Variants in MCF2L2 observed in about 807,000 individuals in gnomAD.
The protein encoded by MCF2L2 is MCF.2 cell line derived transforming sequence-like 2, also known as probable guanine nucleotide exchange factor MCF2L2.
MCF2L2 carries 102 observed loss-of-function variants against 150.2 expected under a neutral mutation model. The ratio of observed to expected loss-of-function variants is 0.68; its 90% CI spans 0.58 to 0.80. The LOEUF is 0.80. MCF2L2 is among the 30% of genes least tolerant of loss of function. The probability of loss-of-function intolerance (pLI) is 0.00; values close to 1 mark genes in which losing one functional copy is unlikely to be tolerated. For missense variants in MCF2L2, 1,256 were observed against 1,372.8 expected (o/e 0.91, Z 1.34); for synonymous variants, 465 against 491.3 (o/e 0.95, Z 0.71).
chr3:183,376,418 T>C (rs766286696), intron 3 of MCF2L2: 4 of 152,206 alleles, frequency 2.6e-5, no homozygotes, highest in Non-Finnish European at 5.9e-5. Flanking sequence ...ATTGTCTACA[T>C]CCCTATTCAC....
chr3:183,278,285 G>T (rs1379966547), intron 14 of MCF2L2, among the ~76,000 whole-genome samples: 1 of 128,022 alleles, frequency 7.8e-6, no homozygotes, highest in African/African-American at 3.4e-5. Context: ...TGAAAAAATT[G>T]TGTGTGTGTG....
intron 11 of MCF2L2, chr3:183,298,498 A>G (rs1728653891): frequency 6.6e-6 from 1 of 152,208 alleles, no homozygotes; most frequent in Non-Finnish European, 1.5e-5. Flanking sequence ...AAAAAATCAT[A>G]AAGATATTTC....
intron 2 of MCF2L2, among the ~76,000 whole-genome samples, chr3:183,385,774 A>G (rs1267332336): frequency 6.6e-6 from 1 of 152,216 alleles, no homozygotes; most frequent in Non-Finnish European, 1.5e-5. Context: ...AGAAAGCTAA[A>G]TGCTTGCCTT....
intron 1 of MCF2L2, among the ~76,000 whole-genome samples, chr3:183,421,740 C>A (rs931367771): frequency 6.6e-6 from 1 of 152,236 alleles, no homozygotes; most frequent in South Asian, 2.1e-4. Flanking sequence ...CAAAACTGGA[C>A]ATTTTAGGTA....
chr3:183,253,161 G>A (rs1420279461), intron 15 of MCF2L2: 2 of 138,552 alleles, frequency 1.4e-5, no homozygotes, highest in Non-Finnish European at 3.1e-5. Context: ...GGCGGCTGGC[G>A]GGCGGGGCCG....
chr3:183,294,496 C>G (rs56212032), intron 13 of MCF2L2, among the ~76,000 whole-genome samples: 2 of 147,280 alleles, frequency 1.4e-5, no homozygotes, highest in African/African-American at 5.0e-5. Flanking sequence ...GGATTACAGG[C>G]GCCCGCCACC....
intron 3 of MCF2L2, among the ~76,000 whole-genome samples, chr3:183,353,133 G>C (rs1031008532): frequency 1.3e-5 from 2 of 152,058 alleles, no homozygotes; most frequent in Non-Finnish European, 2.9e-5. Context: ...AAATTTTTCT[G>C]TAGTTTCCAT....
intron 12 of MCF2L2, 63 bp downstream of exon 12, chr3:183,296,913 T>C: frequency 6.6e-7 from 1 of 1,523,564 alleles, no homozygotes; most frequent in Non-Finnish European, 8.9e-7. Flanking sequence ...AGGAAGAAGG[T>C]ACAGTCCCTC....
intron 3 of MCF2L2, among the ~76,000 whole-genome samples, chr3:183,349,870 T>TA (rs1731045008): frequency 9.6e-6 from 1 of 104,540 alleles, no homozygotes; most frequent in Non-Finnish European, 2.0e-5. Context: ...TTGCTGCTCC[T>TA]TTTTTTTTTC....
chr3:183,213,072 GAAAT>G (rs1010523493), intron 22 of MCF2L2, among the ~76,000 whole-genome samples: 4 of 151,980 alleles, frequency 2.6e-5, no homozygotes, highest in Admixed American at 1.3e-4. Flanking sequence ...AACTGAAATA[GAAAT>G]AAAATCCTGG....
intron 7 of MCF2L2, among the ~76,000 whole-genome samples, chr3:183,314,894 CTTTTTTTCTTTTCTTTTTTTT>C (rs1729532905): frequency 3.1e-4 from 1 of 3,230 alleles, no homozygotes; most frequent in Non-Finnish European, 6.8e-4. Context: ...AACAGTATCT[CTTTTTTTCTTTTCTTTTTTTT>C]TTTTTTTTTT....
chr3:183,409,400 C>A (rs2045900934), intron 1 of MCF2L2, among the ~76,000 whole-genome samples: 1 of 152,180 alleles, frequency 6.6e-6, no homozygotes, highest in South Asian at 2.1e-4. Flanking sequence ...TTGCTATGAC[C>A]TTGGGCAAGC....
intron 1 of MCF2L2, among the ~76,000 whole-genome samples, chr3:183,395,335 T>C (rs1481682707): frequency 6.6e-6 from 1 of 152,068 alleles, no homozygotes; most frequent in East Asian, 1.9e-4. Context: ...GAGATTATAG[T>C]CAGATTTTAA....
intron 22 of MCF2L2, among the ~76,000 whole-genome samples, chr3:183,210,086 T>C (rs1722639390): frequency 6.6e-6 from 1 of 152,066 alleles, no homozygotes; most frequent in Non-Finnish European, 1.5e-5. Context: ...TATAGACAGA[T>C]AGAAAATAAC....
At chr3:183,310,267 C>G (rs749342728) in intron 9 of MCF2L2, among the ~76,000 whole-genome samples, 3 of 151,928 alleles carry the variant, frequency 2.0e-5, no homozygotes, top group African/African-American at 4.8e-5. Context: ...TTTGGGAGAC[C>G]GAGGCAGGTA....
chr3:183,378,797 T>C lies in MCF2L2; in HGVS notation c.275+500A>G, dbSNP rs550960191. 12 of 150,890 alleles carry C rather than the reference T, an allele frequency of 8.0e-5. No homozygotes were observed. The East Asian group carries it at 2.4e-3, about 30-fold the overall frequency. 9.3% of individuals were successfully genotyped at this position (150,890 alleles called of 1,614,324 possible). On this transcript the variant is annotated intron_variant, in intron 3 of 29. Coordinates refer to ENST00000328913, the MANE Select transcript of MCF2L2 (RefSeq NM_015078.4). ...CTTTGGGAGGCCGAGGCAGGCGGATTACTTGAGGTTAGGAGTTCGAGACCA... is the reference window on the plus strand; with the variant it reads ...CTTTGGGAGGCCGAGGCAGGCGGATCACTTGAGGTTAGGAGTTCGAGACCA...
intron 1 of MCF2L2, among the ~76,000 whole-genome samples, chr3:183,396,716 C>G (rs906717): frequency 0.34 from 51,465 of 151,906 alleles, 8,875 homozygotes; most frequent in Middle Eastern, 0.4. Flanking sequence ...TGGAAATGGT[C>G]TGTGGACAAA....
intron 27 of MCF2L2, chr3:183,192,758 G>C: frequency 2.4e-6 from 1 of 415,680 alleles, no homozygotes. Context: ...GTGGATAAGG[G>C]GGTGCTCCTG....
chr3:183,209,308 A>G (rs1576923754), intron 22 of MCF2L2, among the ~76,000 whole-genome samples: 1 of 152,338 alleles, frequency 6.6e-6, no homozygotes, highest in East Asian at 1.9e-4. Context: ...TATTTGCCAC[A>G]TAAACAAATG....
Sources: gnomAD v4.1 joint callset for allele counts (sites outside exome capture counted in the v4.1 genomes callset) on GRCh38, gnomAD v4.1.1 for gene constraint, MANE v1.5 for transcripts, NCBI Gene and HGNC (gene_info 2026-07-23, HGNC 2026-07-21) for gene names.